Variants in EHHADH observed in about 807,000 individuals in gnomAD.
The protein encoded by EHHADH is peroxisomal bifunctional enzyme.
Under a neutral mutation model 64.4 loss-of-function variants are expected in EHHADH, and 48 were observed. The observed-to-expected ratio is 0.75, with a 90% CI of 0.59 to 0.95. EHHADH has a LOEUF of 0.95. Ranked by LOEUF, EHHADH falls within the 40% of genes least tolerant of loss-of-function variation. EHHADH has a pLI of 0.00. For synonymous variants in EHHADH, 308 were observed against 326.7 expected, an observed-to-expected ratio of 0.94 and a Z score of 0.62; for missense variants, 854 against 876.6, an observed-to-expected ratio of 0.97 and a Z score of 0.33.
intron 5 of EHHADH, among the ~76,000 whole-genome samples, chr3:185,207,342 T>C (rs1718424961): frequency 6.6e-6 from 1 of 151,814 alleles, no homozygotes; most frequent in Admixed American, 6.6e-5. Flanking sequence ...TGTTATCTGA[T>C]TGAGTGCAAT....
In EHHADH at chr3:185,191,930, A is replaced by C; in HGVS notation, c.*296T>G. On this transcript the variant is annotated 3_prime_UTR_variant, in exon 7 of 7. Transcript: ENST00000231887. Reference sequence around the variant, plus strand: ...TATTAATTGATGACACATTTATCCAATGATAAAAGCATTTGAGAATCTCAA... The same window carrying C: ...TATTAATTGATGACACATTTATCCACTGATAAAAGCATTTGAGAATCTCAA... The C allele has an allele frequency of 2.6e-6, 1 of 380,344 alleles. No individual in the cohort carries two copies. The highest frequency in any genetic ancestry group is 4.3e-5 in the Admixed American group (1 of 23,458). 23.6% of individuals were successfully genotyped at this position (380,344 alleles called of 1,614,324 possible).
At chr3:185,228,380 T>C (rs1276988249) in intron 4 of EHHADH, among the ~76,000 whole-genome samples, 1 of 150,152 alleles carries the variant, frequency 6.7e-6, no homozygotes, top group Non-Finnish European at 1.5e-5. Flanking sequence ...AAGAACAACT[T>C]ATAAAGCACC....
chr3:185,244,122 CTGT>C (rs1244285643), intron 2 of EHHADH, among the ~76,000 whole-genome samples: 1 of 152,054 alleles, frequency 6.6e-6, no homozygotes, highest in Non-Finnish European at 1.5e-5. Flanking sequence ...TGTCTTTTTA[CTGT>C]TGTTGATTTA....
intron 4 of EHHADH, 130 bp downstream of exon 4, chr3:185,229,302 C>A: frequency 2.3e-6 from 1 of 433,610 alleles, no homozygotes; most frequent in Non-Finnish European, 4.0e-6. Context: ...ATCAGAAAAT[C>A]GAGAGGCCAA....
chr3:185,220,802 A>C (rs948681032), intron 4 of EHHADH, among the ~76,000 whole-genome samples: 4 of 152,226 alleles, frequency 2.6e-5, no homozygotes, highest in Admixed American at 1.3e-4. Flanking sequence ...CTCCAACCTG[A>C]GTAATCTCAA....
intron 6 of EHHADH, among the ~76,000 whole-genome samples, chr3:185,194,615 C>CAAT (rs1718005296): frequency 7.4e-6 from 1 of 135,410 alleles, no homozygotes; most frequent in African/African-American, 3.5e-5. Flanking sequence ...TCTGTAACAA[C>CAAT]AACAACAACA....
At chr3:185,214,969 C>G (rs551751532) in intron 5 of EHHADH, among the ~76,000 whole-genome samples, 1 of 152,020 alleles carries the variant, frequency 6.6e-6, no homozygotes, top group Non-Finnish European at 1.5e-5. Context: ...TAATTTTAAG[C>G]CTCTATAAGT....
At chr3:185,237,868 T>A (rs765531289) in intron 2 of EHHADH, among the ~76,000 whole-genome samples, 2 of 152,126 alleles carry the variant, frequency 1.3e-5, no homozygotes, top group African/African-American at 4.8e-5. Context: ...ACGGTGAACA[T>A]TGTACCACTT....
Position 185,253,977 on chromosome 3 carries a change from G to A in EHHADH, c.46C>T (p.Leu16Phe), listed in dbSNP as rs375593577. Residue 16 changes from leucine to phenylalanine, a missense_variant, in exon 1 of 7, where the codon CTC (leucine) becomes TTC (phenylalanine). By Grantham distance (22) the Leu-to-Phe change is conservative. Coordinates refer to ENST00000231887, the MANE Select transcript of EHHADH (RefSeq NM_001966.4). ...RLHNALALIR[L>F]RNPPVNAIST... is the part of the protein sequence containing the mutation. ...ATCGCGTTGACCGGCGGGTTTCGGA[G>A]GCGGATTAGCGCCAAGGCGTTGTGC... 73 of 1,613,898 alleles carry A rather than the reference G, an allele frequency of 4.5e-5. No individual in the cohort carries two copies. The highest frequency in any genetic ancestry group is 5.8e-5 in the Non-Finnish European group (69 of 1,179,966).
intron 4 of EHHADH, among the ~76,000 whole-genome samples, chr3:185,229,020 T>A (rs1300563068): frequency 1.3e-5 from 2 of 152,102 alleles, no homozygotes; most frequent in Non-Finnish European, 2.9e-5. Flanking sequence ...GGTTTCCAAC[T>A]CCTGACCTCA....
In EHHADH at chr3:185,191,011, A is replaced by C. The variant is rs1015127560; in HGVS notation, c.*1215T>G. On this transcript the variant is annotated 3_prime_UTR_variant, in exon 7 of 7. Coordinates refer to ENST00000231887, the MANE Select transcript of EHHADH (RefSeq NM_001966.4). ...AATATATTGTTATGTGACCATTACC[A>C]CAATAAGTTTAGACCATTTTCATGA... 6.6e-6 allele frequency: 1 copy of C among 152,218 alleles called. No homozygotes were observed. Among genetic ancestry groups the C allele is most frequent in the Non-Finnish European group, 1.5e-5 (1 of 68,044 alleles). The allele number at this position is 152,218 out of a possible 1,614,324, so 9.4% of individuals were successfully genotyped here.
At position 185,248,511 on chromosome 3, in the gene EHHADH, AGTC is replaced by A. The variant is rs781558131; in HGVS notation, c.78_80del (p.Thr27del). The stretch of plus-strand genomic sequence containing the variant: ...GTCCTTCTTTTATGTCACGGAGTAA[AGTC>A]GTACTAAAAGAAAACAAAATACATG... On this transcript the variant is annotated inframe_deletion, in exon 2 of 7. Coordinates refer to ENST00000231887, the MANE Select transcript of EHHADH (RefSeq NM_001966.4). 406 of 1,606,342 alleles carry A rather than the reference AGTC, an allele frequency of 2.5e-4. 2 individuals are homozygous for A. Among genetic ancestry groups the A allele is most frequent in the Middle Eastern group, 1.7e-3 (10 of 6,048 alleles).
At chr3:185,220,275 A>G (rs1314593419) in intron 4 of EHHADH, among the ~76,000 whole-genome samples, 2 of 152,242 alleles carry the variant, frequency 1.3e-5, no homozygotes, top group African/African-American at 2.4e-5. Context: ...AAGTACAGTC[A>G]TATGCCATAT....
At chr3:185,235,240 C>G (rs1042009362) in intron 3 of EHHADH, 50 bp downstream of exon 3, 1 of 1,510,242 alleles carries the variant, frequency 6.6e-7, no homozygotes, top group African/African-American at 1.4e-5. Context: ...AGAGTTTGCC[C>G]TAAAGAAAAG....
intron 4 of EHHADH, among the ~76,000 whole-genome samples, chr3:185,220,190 A>G (rs1394515954): frequency 2.6e-5 from 4 of 152,172 alleles, no homozygotes; most frequent in African/African-American, 9.7e-5. Context: ...CTCTAGCTGT[A>G]ATGATTTCTT....
At chr3:185,253,589 T>TAAA (rs113367839) in intron 1 of EHHADH, among the ~76,000 whole-genome samples, 136,060 of 147,322 alleles carry the variant, frequency 0.92, 63,040 homozygotes, top group African/African-American at 0.98. Flanking sequence ...AAAAGAAAAA[T>TAAA]AAAAAGTCGG....
At chr3:185,246,560 G>T in intron 2 of EHHADH, 1 of 220,108 alleles carries the variant, frequency 4.5e-6, no homozygotes, top group Non-Finnish European at 8.8e-6. Context: ...TCTTGCATCA[G>T]CCAAAGGGCC....
intron 3 of EHHADH, among the ~76,000 whole-genome samples, chr3:185,233,982 A>G (rs1316630532): frequency 8.5e-5 from 13 of 152,194 alleles, no homozygotes; most frequent in Admixed American, 7.9e-4. Flanking sequence ...CAAAGGAAAA[A>G]GAATCTGTAA....
At chr3:185,247,580 T>C (rs993365712) in intron 2 of EHHADH, among the ~76,000 whole-genome samples, 3 of 152,190 alleles carry the variant, frequency 2.0e-5, no homozygotes, top group East Asian at 1.9e-4. Flanking sequence ...ACCTACATGG[T>C]ACTGGCATAT....
Sources: allele counts gnomAD v4.1 joint callset (sites outside exome capture counted in the v4.1 genomes callset), GRCh38; gene constraint gnomAD v4.1.1; transcripts MANE v1.5; gene names NCBI Gene and HGNC (gene_info 2026-07-23, HGNC 2026-07-21).